The following MAN2A1 variants were observed in gnomAD, a reference collection of about 807,000 sequenced individuals.
MAN2A1 encodes mannosidase alpha class 2A member 1.
MAN2A1 carries 76 observed loss-of-function variants against 142.6 expected under a neutral mutation model. The observed-to-expected ratio is 0.53, with a 90% confidence interval of 0.44 to 0.65. The LOEUF (loss-of-function observed/expected upper bound fraction) is 0.65. MAN2A1 is among the 30% of genes least tolerant of loss of function. The pLI, the probability that MAN2A1 is intolerant of heterozygous loss-of-function variation, is 0.00. For synonymous variants in MAN2A1, 559 were observed against 473.2 expected, an observed-to-expected ratio of 1.18 and a Z score of -2.35; for missense variants, 1,311 against 1,365.1, an observed-to-expected ratio of 0.96 and a Z score of 0.62.
At chr5:109,865,302 A>C in intron 21 of MAN2A1, 156 bp downstream of exon 21, 2 of 609,954 alleles carry the variant, frequency 3.3e-6, no homozygotes, top group Non-Finnish European at 5.8e-6. Context: ...TGAAAAATGC[A>C]CTTTCTCAAA....
Position 109,855,347 on chromosome 5 carries a change from A to C in MAN2A1, c.3171+13A>C, listed in dbSNP as rs748481669. The C allele has an allele frequency of 2.7e-6, 4 of 1,481,478 alleles. No individual in the cohort carries two copies. The South Asian group carries it at 5.8e-5, about 21-fold the overall frequency. 91.8% of individuals were successfully genotyped at this position (1,481,478 alleles called of 1,614,324 possible). On this transcript the variant is annotated intron_variant, in intron 20 of 21. Coordinates refer to ENST00000261483, the MANE Select transcript of MAN2A1 (RefSeq NM_002372.4). The stretch of plus-strand genomic sequence containing the variant: ...AATACAGTCAAAGGTATGTCTCAAA[A>C]TATATCTTATAAAAAATTACTGTTT...
chr5:109,722,506 C>G (rs1249963907), intron 3 of MAN2A1, among the ~76,000 whole-genome samples: 1 of 152,146 alleles, frequency 6.6e-6, no homozygotes, highest in African/African-American at 2.4e-5. Flanking sequence ...CTTCTGCCTC[C>G]CAGGTTCAAG....
At chr5:109,730,203 A>T (rs984447460) in intron 4 of MAN2A1, among the ~76,000 whole-genome samples, 2 of 152,078 alleles carry the variant, frequency 1.3e-5, no homozygotes, top group African/African-American at 4.8e-5. Flanking sequence ...GGCCAATTTG[A>T]TGGTTGAAAA....
chr5:109,843,821 T>C (rs1409068894), intron 17 of MAN2A1, among the ~76,000 whole-genome samples: 1 of 152,224 alleles, frequency 6.6e-6, no homozygotes, highest in African/African-American at 2.4e-5. Flanking sequence ...TGATAACATA[T>C]CTTTGAAATA....
intron 10 of MAN2A1, among the ~76,000 whole-genome samples, chr5:109,786,387 G>C (rs893486720): frequency 6.6e-6 from 1 of 151,984 alleles, no homozygotes; most frequent in Non-Finnish European, 1.5e-5. Context: ...GCTATCTCTG[G>C]CTGTCATATC....
At chr5:109,800,965 C>T (rs1361441638) in intron 12 of MAN2A1, among the ~76,000 whole-genome samples, 1 of 152,170 alleles carries the variant, frequency 6.6e-6, no homozygotes, top group Non-Finnish European at 1.5e-5. Flanking sequence ...AATCATCTCG[C>T]ATTCATTGTT....
intron 5 of MAN2A1, among the ~76,000 whole-genome samples, chr5:109,767,258 T>C (rs543186228): frequency 6.6e-6 from 1 of 152,260 alleles, no homozygotes; most frequent in Non-Finnish European, 1.5e-5. Flanking sequence ...GGCTTTATAA[T>C]AGGTAAAAGA....
intron 5 of MAN2A1, among the ~76,000 whole-genome samples, chr5:109,759,802 T>C (rs1752788720): frequency 6.6e-6 from 1 of 152,166 alleles, no homozygotes; most frequent in African/African-American, 2.4e-5. Context: ...CTAGTGGGTA[T>C]ATAGTGATAT....
intron 1 of MAN2A1, among the ~76,000 whole-genome samples, chr5:109,713,266 T>C (rs1336169112): frequency 1.3e-5 from 2 of 152,166 alleles, no homozygotes; most frequent in Non-Finnish European, 2.9e-5. Context: ...CCAAAATATT[T>C]TTGGTCTTTC....
intron 16 of MAN2A1, among the ~76,000 whole-genome samples, chr5:109,824,771 A>G (rs1754714621): frequency 6.6e-6 from 1 of 152,218 alleles, no homozygotes; most frequent in Non-Finnish European, 1.5e-5. Context: ...TACTATGTTC[A>G]GGGAATCTCT....
chr5:109,866,980 C>T lies in MAN2A1; in HGVS notation c.3417C>T (p.Phe1139=). Residue 1139 remains phenylalanine (F), a synonymous_variant, in exon 22 of 22, where the codon TTC becomes TTT. Transcript: ENST00000261483. ...INLSPMEIST[F]RIQLR ...TGAGTCCAATGGAAATCAGCACATT[C>T]CGAATCCAGTTGAGGTGAACCTGAC... The T allele has an allele frequency of 6.2e-7, 1 of 1,609,668 alleles. No homozygotes were observed. Among genetic ancestry groups the T allele is most frequent in the Non-Finnish European group, 8.5e-7 (1 of 1,177,954 alleles).
chr5:109,767,480 C>CT, intron 5 of MAN2A1, 55 bp from the exon 6 acceptor site: 1 of 1,457,192 alleles, frequency 6.9e-7, no homozygotes, highest in Non-Finnish European at 9.4e-7. Flanking sequence ...GTTGTGACTT[C>CT]TTTTTATTTC....
At chr5:109,701,719 T>A (rs1351942049) in intron 1 of MAN2A1, among the ~76,000 whole-genome samples, 1 of 152,192 alleles carries the variant, frequency 6.6e-6, no homozygotes, top group Non-Finnish European at 1.5e-5. Flanking sequence ...ATCGGGAGGA[T>A]GAAAAATGTG....
chr5:109,830,756 G>A (rs1754885877), intron 16 of MAN2A1, among the ~76,000 whole-genome samples: 1 of 152,144 alleles, frequency 6.6e-6, no homozygotes, highest in Non-Finnish European at 1.5e-5. Context: ...TGACTGCTAA[G>A]GATTTTTTTC....
chr5:109,783,311 C>T (rs918741429), intron 9 of MAN2A1, among the ~76,000 whole-genome samples: 1 of 152,086 alleles, frequency 6.6e-6, no homozygotes, highest in Non-Finnish European at 1.5e-5. Flanking sequence ...AGTAATATTT[C>T]ATCTCTCTGC....
chr5:109,693,401 G>A (rs536710741), intron 1 of MAN2A1, among the ~76,000 whole-genome samples: 6 of 151,356 alleles, frequency 4.0e-5, no homozygotes, highest in South Asian at 2.1e-4. Flanking sequence ...CAAGCAGGTC[G>A]GTCACTATGT....
At chr5:109,815,988 G>T (rs1278063398) in intron 12 of MAN2A1, among the ~76,000 whole-genome samples, 1 of 152,294 alleles carries the variant, frequency 6.6e-6, no homozygotes, top group South Asian at 2.1e-4. Context: ...AAGACAATAT[G>T]ATGCAAATTG....
chr5:109,836,410 C>T (rs1042015676), intron 16 of MAN2A1, among the ~76,000 whole-genome samples: 5 of 150,858 alleles, frequency 3.3e-5, no homozygotes, highest in Non-Finnish European at 5.9e-5. Flanking sequence ...GCCACCGCAC[C>T]GGCATGCCCT....
At chr5:109,738,084 G>A (rs1412549739) in intron 4 of MAN2A1, among the ~76,000 whole-genome samples, 1 of 152,090 alleles carries the variant, frequency 6.6e-6, no homozygotes, top group Non-Finnish European at 1.5e-5. Context: ...AGACTAAATT[G>A]TGCATAAGCA....
Sources: allele counts gnomAD v4.1 joint callset (sites outside exome capture counted in the v4.1 genomes callset), GRCh38; gene constraint gnomAD v4.1.1; transcripts MANE v1.5; gene names NCBI Gene and HGNC (gene_info 2026-07-23, HGNC 2026-07-21).